Variants in CCDC93 observed in about 807,000 individuals in gnomAD.
CCDC93 encodes coiled-coil domain-containing protein 93.
CCDC93 carries 61 observed loss-of-function variants against 108.2 expected under a neutral mutation model. The ratio of observed to expected loss-of-function variants is 0.56; its 90% CI spans 0.46 to 0.70. The LOEUF is 0.70. Ranked by LOEUF, CCDC93 falls within the 30% of genes least tolerant of loss-of-function variation. The pLI, the probability that CCDC93 is intolerant of heterozygous loss-of-function variation, is 0.00. For synonymous variants in CCDC93, 276 were observed against 260.4 expected (o/e 1.06, Z -0.58); for missense variants, 685 against 764.2 (o/e 0.90, Z 1.22).
chr2:117,974,405 C>A (rs1483011055), intron 10 of CCDC93, among the ~76,000 whole-genome samples: 1 of 152,176 alleles, frequency 6.6e-6, no homozygotes, highest in African/African-American at 2.4e-5. Flanking sequence ...TTTACTACCA[C>A]AGGTCTTCCC....
intron 20 of CCDC93, among the ~76,000 whole-genome samples, chr2:117,937,310 A>G (rs1244442364): frequency 6.6e-6 from 1 of 152,160 alleles, no homozygotes; most frequent in Non-Finnish European, 1.5e-5. Context: ...CCAATGATAC[A>G]GTCCTGGGAA....
rs1380727413 is a variant in CCDC93, at chr2:117,949,324, T to G, written c.1140A>C (p.Pro380=). The G allele has an allele frequency of 1.2e-6, 2 of 1,610,338 alleles. No homozygotes were observed. Among genetic ancestry groups the G allele is most frequent in the Non-Finnish European group, 1.7e-6 (2 of 1,176,610 alleles). ...AAGCACATGCTGAAACCTCTTACCT[T>G]GGATCAGCTTTGGATTCTATCTTCT... ...ALEKIESKAD[P]SILQNLRALV... The change falls in exon 14 of 24, where the codon CCA becomes CCC. Residue 380 remains proline (P), a splice_region_variant and synonymous_variant. Transcript: ENST00000376300.
At chr2:117,923,646 G>A (rs1159214964) in intron 23 of CCDC93, among the ~76,000 whole-genome samples, 3 of 144,590 alleles carry the variant, frequency 2.1e-5, no homozygotes, top group Non-Finnish European at 4.5e-5. Flanking sequence ...GCTCACCGCA[G>A]CACAAGGAGG....
chr2:117,919,113 G>C lies in CCDC93; in HGVS notation c.*1230C>G, dbSNP rs1425689993. On this transcript the variant is annotated 3_prime_UTR_variant, in exon 24 of 24. Transcript: ENST00000376300. ...TGAGTTACCAGACTCCTGAGGACCAGGGCAGCAGGAGCTCCATGTTTGATC... is the reference window on the plus strand; with the variant it reads ...TGAGTTACCAGACTCCTGAGGACCACGGCAGCAGGAGCTCCATGTTTGATC... The C allele has an allele frequency of 6.6e-6, 1 of 152,138 alleles. No individual in the cohort carries two copies. The highest frequency in any genetic ancestry group is 1.5e-5 in the Non-Finnish European group (1 of 68,032). 9.4% of individuals were successfully genotyped at this position (152,138 alleles called of 1,614,324 possible). A position where few individuals can be genotyped will look rare whatever the true frequency, so the allele number is the denominator to read the frequency against.
intron 8 of CCDC93, among the ~76,000 whole-genome samples, chr2:117,975,751 CTT>C (rs1284642143): frequency 1.3e-5 from 2 of 152,192 alleles, no homozygotes; most frequent in Non-Finnish European, 2.9e-5. Flanking sequence ...CTTACTGAAA[CTT>C]TTGTTTCAGG....
intron 6 of CCDC93, among the ~76,000 whole-genome samples, chr2:117,987,715 T>A (rs1680361454): frequency 6.6e-6 from 1 of 152,234 alleles, no homozygotes. Context: ...CTTGGTAACA[T>A]AATTCCTTAA....
chr2:117,985,887 G>T, intron 7 of CCDC93, 82 bp downstream of exon 7: 1 of 807,998 alleles, frequency 1.2e-6, no homozygotes, highest in East Asian at 2.7e-5. Flanking sequence ...TCGGGTAGAA[G>T]CTAGTCAAGT....
chr2:117,931,006 G>A (rs1558769191), intron 23 of CCDC93, 31 bp downstream of exon 23: 1 of 1,413,682 alleles, frequency 7.1e-7, no homozygotes, highest in Non-Finnish European at 9.9e-7. Flanking sequence ...TCTCACGTTA[G>A]CCTTAATGTG....
At chr2:117,984,873 A>G (rs911199551) in intron 7 of CCDC93, among the ~76,000 whole-genome samples, 13 of 152,130 alleles carry the variant, frequency 8.5e-5, no homozygotes, top group Admixed American at 8.5e-4. Flanking sequence ...CCACTAGCAC[A>G]GGGCCCCATG....
At chr2:117,960,848 T>A (rs1361956954) in intron 11 of CCDC93, among the ~76,000 whole-genome samples, 1 of 152,240 alleles carries the variant, frequency 6.6e-6, no homozygotes, top group African/African-American at 2.4e-5. Context: ...ACATGTGATA[T>A]CACTGATCTG....
At chr2:117,959,659 A>T (rs954186519) in intron 11 of CCDC93, among the ~76,000 whole-genome samples, 1 of 152,252 alleles carries the variant, frequency 6.6e-6, no homozygotes, top group Non-Finnish European at 1.5e-5. Context: ...GTTACAAAAC[A>T]ACCAGCAGGA....
rs1677793431 is a variant in CCDC93, at chr2:117,919,544, G to A, written c.*799C>T. On this transcript the variant is annotated 3_prime_UTR_variant, in exon 24 of 24. Transcript: ENST00000376300. ...TAGCCTCATCAAATGTGCCTTCAATGAGGGGGATGCACAGCCCCTCTGCAT... is the reference window on the plus strand; with the variant it reads ...TAGCCTCATCAAATGTGCCTTCAATAAGGGGGATGCACAGCCCCTCTGCAT... 1 of 152,246 alleles carries A rather than the reference G, an allele frequency of 6.6e-6. No homozygotes were observed. The highest frequency in any genetic ancestry group is 6.6e-5 in the Admixed American group (1 of 15,264). 9.4% of individuals were successfully genotyped at this position (152,246 alleles called of 1,614,324 possible). A position where few individuals can be genotyped will look rare whatever the true frequency, so the allele number is the denominator to read the frequency against.
chr2:117,961,798 AG>A (rs1679403907), intron 11 of CCDC93, among the ~76,000 whole-genome samples: 1 of 152,248 alleles, frequency 6.6e-6, no homozygotes, highest in African/African-American at 2.4e-5. Context: ...AATCCTTGAC[AG>A]AAAAAATTTA....
chr2:117,987,787 G>A lies in CCDC93; in HGVS notation c.520-1718C>T, dbSNP rs1680363129. Among the ~76,000 whole-genome samples the A allele has an allele frequency of 1.3e-5, 2 of 152,144 alleles. 1 individual carries two copies. The highest frequency in any genetic ancestry group is 4.1e-4 in the South Asian group (2 of 4,832). On this transcript the variant is annotated intron_variant, in intron 6 of 23. Transcript: ENST00000376300. ...CTTTCCATGATGTGCTCTTAAAAAG[G>A]AATATAAAATCAATTTATCCTTCTG...
In CCDC93 at chr2:117,948,092, A is replaced by C; in HGVS notation, c.1224+13T>G. On this transcript the variant is annotated intron_variant, in intron 15 of 23. Transcript: ENST00000376300. ...GCGTCCTGGTTTATTTGCTGACACC[A>C]AACAACACTTACTCGACAATGTGCT... The C allele has an allele frequency of 6.2e-7, 1 of 1,604,032 alleles. No homozygotes were observed. Among genetic ancestry groups the C allele is most frequent in the Non-Finnish European group, 8.5e-7 (1 of 1,171,042 alleles).
chr2:118,012,899 G>C (rs1452788762), intron 1 of CCDC93: 2 of 152,224 alleles, frequency 1.3e-5, no homozygotes, highest in Non-Finnish European at 2.9e-5. Flanking sequence ...AAGAACTGAG[G>C]ATTTGGGAGG....
chr2:117,930,822 T>C, intron 23 of CCDC93: 1 of 461,632 alleles, frequency 2.2e-6, no homozygotes. Context: ...TGATGTGATG[T>C]CTTAAAACAT....
chr2:117,973,866 A>G (rs990147315), intron 11 of CCDC93, 42 bp downstream of exon 11: 1 of 1,456,764 alleles, frequency 6.9e-7, no homozygotes, highest in Non-Finnish European at 9.5e-7. Flanking sequence ...AAAGCCATGG[A>G]GCATTATCTG....
At chr2:117,944,673 CAA>C (rs1678812731) in intron 17 of CCDC93, 1 of 468,552 alleles carries the variant, frequency 2.1e-6, no homozygotes, top group Non-Finnish European at 4.4e-6. Flanking sequence ...CAAAAGGGGT[CAA>C]AGGAGTGCCT....
Sources: gnomAD v4.1 joint callset for allele counts (sites outside exome capture counted in the v4.1 genomes callset) on GRCh38, gnomAD v4.1.1 for gene constraint, MANE v1.5 for transcripts, NCBI Gene and HGNC (gene_info 2026-07-23, HGNC 2026-07-21) for gene names.